SUN3: variants seen among roughly 807,000 people sequenced by gnomAD.
The protein encoded by SUN3 is Sad1 and UNC84 domain containing 3, also known as SUN domain-containing protein 3.
In SUN3, 36 loss-of-function variants were observed where a neutral mutation model predicts 48.2. The observed-to-expected ratio is 0.75, with a 90% CI of 0.57 to 0.99. The LOEUF (loss-of-function observed/expected upper bound fraction) is 0.99, where lower values mean the gene tolerates loss of function less well. Among genes scored for constraint, SUN3 ranks in the 50% least tolerant of loss-of-function variants. The probability of loss-of-function intolerance (pLI) is 0.00; values close to 1 mark genes in which losing one functional copy is unlikely to be tolerated. For synonymous variants in SUN3, 148 were observed against 147.9 expected, an observed-to-expected ratio of 1.00 and a Z score of 0.00; for missense variants, 419 against 433.1, an observed-to-expected ratio of 0.97 and a Z score of 0.29.
At chr7:48,025,322 T>C (rs1337864438) in intron 2 of SUN3, among the ~76,000 whole-genome samples, 3 of 152,278 alleles carry the variant, frequency 2.0e-5, no homozygotes, top group South Asian at 2.1e-4. Context: ...TCACATGCTA[T>C]ATGATCTTTT....
At chr7:47,988,652 ATTGAAGAT>A in intron 9 of SUN3, 128 bp downstream of exon 9, 1 of 475,692 alleles carries the variant, frequency 2.1e-6, no homozygotes, top group Non-Finnish European at 3.7e-6. Context: ...CGAGCTCAGA[ATTGAAGAT>A]CAGATAAGCC....
chr7:48,001,391 T>A (rs1789362578), intron 6 of SUN3, among the ~76,000 whole-genome samples: 1 of 152,170 alleles, frequency 6.6e-6, no homozygotes, highest in Non-Finnish European at 1.5e-5. Flanking sequence ...TCCAGCTCCA[T>A]CCATGTCCCT....
Position 48,028,907 on chromosome 7 carries a change from G to A in SUN3, c.32C>T (p.Ala11Val), listed in dbSNP as rs1790212298. ...TTCAGAGCAACGTCTAAAAAACATG[G>A]CAGCCCTTCTTGCCTTTGTTTTTCC... MSGKTKARRA[A>V]MFFRRCSEDA... Residue 11 changes from alanine to valine, a missense_variant, in exon 1 of 10, where the codon GCC becomes GTC. Ala to Val is a moderately conservative substitution (Grantham distance 64). Transcript: ENST00000297325. 6.2e-7 allele frequency: 1 copy of A among 1,613,896 alleles called. No homozygotes were observed. The highest frequency in any genetic ancestry group is 1.3e-5 in the African/African-American group (1 of 75,016).
intron 3 of SUN3, among the ~76,000 whole-genome samples, chr7:48,010,892 A>T (rs1232840930): frequency 6.6e-6 from 1 of 152,146 alleles, no homozygotes; most frequent in Non-Finnish European, 1.5e-5. Flanking sequence ...GAAGGTCCTC[A>T]GGGAGATTCT....
At chr7:48,031,552 T>C (rs553473286), upstream of SUN3, among the ~76,000 whole-genome samples, 1 of 152,060 alleles carries the variant, frequency 6.6e-6, no homozygotes, top group Non-Finnish European at 1.5e-5. Context: ...TAAAGATAAG[T>C]GTAGGCAAGA....
At chr7:48,029,252 C>G, upstream of SUN3, 1 of 248,040 alleles carries the variant, frequency 4.0e-6, no homozygotes, top group South Asian at 5.7e-5. Flanking sequence ...ACAAAGGCCC[C>G]CCCATGTACC....
At chr7:48,024,287 A>G (rs1357310419) in intron 2 of SUN3, among the ~76,000 whole-genome samples, 1 of 152,160 alleles carries the variant, frequency 6.6e-6, no homozygotes, top group Non-Finnish European at 1.5e-5. Context: ...TTTGGTATCT[A>G]GAATATATTA....
chr7:48,018,781 C>T (rs188527631), intron 2 of SUN3, among the ~76,000 whole-genome samples: 112 of 152,060 alleles, frequency 7.4e-4, no homozygotes, highest in Non-Finnish European at 3.8e-4. Flanking sequence ...ACATGGCATA[C>T]GATGAAACAG....
At chr7:47,989,188 T>C (rs1055379529) in intron 8 of SUN3, among the ~76,000 whole-genome samples, 1 of 152,208 alleles carries the variant, frequency 6.6e-6, no homozygotes, top group African/African-American at 2.4e-5. Flanking sequence ...AAACAGCTGA[T>C]AGATGGAAGA....
At chr7:48,011,746 A>G (rs1389623265) in intron 3 of SUN3, among the ~76,000 whole-genome samples, 1 of 152,252 alleles carries the variant, frequency 6.6e-6, no homozygotes, top group Non-Finnish European at 1.5e-5. Context: ...ATTTCAGGCA[A>G]GTTCTACTAT....
intron 6 of SUN3, among the ~76,000 whole-genome samples, chr7:48,003,743 T>C (rs1278704550): frequency 6.6e-6 from 1 of 152,216 alleles, no homozygotes; most frequent in Non-Finnish European, 1.5e-5. Context: ...TAGTGATTTT[T>C]GCACATTGAT....
chr7:47,989,137 G>A (rs1173206676), intron 8 of SUN3, among the ~76,000 whole-genome samples: 2 of 152,160 alleles, frequency 1.3e-5, no homozygotes, highest in Non-Finnish European at 2.9e-5. Flanking sequence ...GAGCTAGATA[G>A]ATAGATCCAT....
chr7:48,006,051 T>C lies in SUN3; in HGVS notation c.495A>G (p.Glu165=). The C allele has an allele frequency of 6.3e-7, 1 of 1,590,614 alleles. No homozygotes were observed. Among genetic ancestry groups the C allele is most frequent in the Non-Finnish European group, 8.6e-7 (1 of 1,164,792 alleles). ...GTACATAATTGACCAAGTTTGACAC[T>C]TCCTGTAGAAATTTTATAAACAGTT... The part of the protein sequence containing the change: ...DPVEDPDHTE[E]VSNLVNYVLK... Residue 165 remains glutamate (E), a splice_region_variant and synonymous_variant, in exon 6 of 10, where the codon GAA becomes GAG. Transcript: ENST00000297325.
intron 6 of SUN3, among the ~76,000 whole-genome samples, 177 bp downstream of exon 6, chr7:48,005,792 A>G (rs1053468997): frequency 1.5e-4 from 21 of 144,178 alleles, no homozygotes; most frequent in African/African-American, 6.2e-4. Context: ...ATTTGCACTC[A>G]GCAATCAGTA....
intron 1 of SUN3, among the ~76,000 whole-genome samples, chr7:48,028,479 C>CAAAAAAAAAAAAAAAA (rs55997019): frequency 2.2e-5 from 1 of 45,232 alleles, no homozygotes; most frequent in African/African-American, 1.1e-4. Context: ...AGCCCAATGA[C>CAAAAAAAAAAAAAAAA]AAAAAAAAAA....
At chr7:48,031,905 GA>G (rs1790261595), upstream of SUN3, among the ~76,000 whole-genome samples, 1 of 151,948 alleles carries the variant, frequency 6.6e-6, no homozygotes, top group Non-Finnish European at 1.5e-5. Context: ...GAGAGAAAGA[GA>G]ATGGAATATT....
chr7:47,996,711 C>T (rs1418265091), intron 6 of SUN3, among the ~76,000 whole-genome samples: 3 of 151,820 alleles, frequency 2.0e-5, no homozygotes, highest in Non-Finnish European at 2.9e-5. Context: ...ATGCAAATTG[C>T]TTTTACAAAT....
At chr7:48,003,081 A>T (rs558341642) in intron 6 of SUN3, among the ~76,000 whole-genome samples, 1 of 151,932 alleles carries the variant, frequency 6.6e-6, no homozygotes, top group Admixed American at 6.6e-5. Context: ...TTCCATTTCA[A>T]GTTAATTTTT....
At chr7:48,032,580 C>A (rs1790268831), upstream of SUN3, among the ~76,000 whole-genome samples, 1 of 152,216 alleles carries the variant, frequency 6.6e-6, no homozygotes, top group Non-Finnish European at 1.5e-5. Flanking sequence ...ACCCAAACTG[C>A]TATAACATTG....
Sources: gnomAD v4.1 joint callset for allele counts (sites outside exome capture counted in the v4.1 genomes callset) on GRCh38, gnomAD v4.1.1 for gene constraint, MANE v1.5 for transcripts, NCBI Gene and HGNC (gene_info 2026-07-23, HGNC 2026-07-21) for gene names.